Variants in RASSF4 observed in about 807,000 individuals in gnomAD.
RASSF4 encodes ras association domain-containing protein 4.
RASSF4 carries 38 observed loss-of-function variants against 41.1 expected under a neutral mutation model. The ratio of observed to expected loss-of-function variants is 0.92; its 90% confidence interval spans 0.71 to 1.21. The LOEUF (loss-of-function observed/expected upper bound fraction) is 1.21, where lower values mean the gene tolerates loss of function less well. RASSF4 is among the 50% of genes most tolerant of loss of function. The probability of loss-of-function intolerance (pLI) is 0.00; values close to 1 mark genes in which losing one functional copy is unlikely to be tolerated. For synonymous variants in RASSF4, 179 were observed against 163.4 expected, an observed-to-expected ratio of 1.10 and a Z score of -0.73; for missense variants, 414 against 419.4, an observed-to-expected ratio of 0.99 and a Z score of 0.11.
chr10:44,982,382 A>G, intron 3 of RASSF4, 139 bp from the exon 4 acceptor site: 1 of 1,035,788 alleles, frequency 9.7e-7, no homozygotes, highest in East Asian at 2.5e-5. Context: ...GTAGTGGCTG[A>G]TGGTCCTTCC....
chr10:44,977,332 G>A, intron 3 of RASSF4: 2 of 1,506,744 alleles, frequency 1.3e-6, no homozygotes, highest in Non-Finnish European at 1.8e-6. Context: ...CCACCATGGA[G>A]GAGACGAGAG....
intron 3 of RASSF4, among the ~76,000 whole-genome samples, chr10:44,979,734 GGA>G (rs1410410216): frequency 1.3e-5 from 2 of 152,270 alleles, no homozygotes; most frequent in East Asian, 3.9e-4. Context: ...GGCCCATGTA[GGA>G]GGGGGTCAGT....
intron 3 of RASSF4, among the ~76,000 whole-genome samples, chr10:44,974,659 C>T (rs1841324619): frequency 6.6e-6 from 1 of 152,008 alleles, no homozygotes; most frequent in South Asian, 2.1e-4. Flanking sequence ...CCCGCAGCAC[C>T]GGCAGCCTTA....
intron 3 of RASSF4, among the ~76,000 whole-genome samples, chr10:44,973,695 G>C (rs755135328): frequency 1.8e-4 from 27 of 152,330 alleles, no homozygotes; most frequent in Non-Finnish European, 2.5e-4. Flanking sequence ...TTGGCACTCG[G>C]GATTCCCCAA....
intron 3 of RASSF4, among the ~76,000 whole-genome samples, chr10:44,972,887 T>C (rs538379828): frequency 1.7e-4 from 26 of 152,332 alleles, no homozygotes; most frequent in African/African-American, 6.3e-4. Flanking sequence ...AGGCCAGAGC[T>C]AGCCCAGGCA....
intron 3 of RASSF4, among the ~76,000 whole-genome samples, chr10:44,979,637 A>G (rs1424656269): frequency 6.6e-6 from 1 of 152,100 alleles, no homozygotes; most frequent in African/African-American, 2.4e-5. Context: ...TGCACATTCC[A>G]GGTGGCAGGG....
At chr10:44,971,669 C>G in intron 2 of RASSF4, 104 bp from the exon 3 acceptor site, 1 of 892,010 alleles carries the variant, frequency 1.1e-6, no homozygotes. Context: ...AGGGTGCTGT[C>G]ACACTCCTGT....
chr10:44,972,683 C>T (rs1264617678), intron 3 of RASSF4, among the ~76,000 whole-genome samples: 4 of 152,240 alleles, frequency 2.6e-5, no homozygotes, highest in Non-Finnish European at 5.9e-5. Context: ...CTTGGTTGGG[C>T]TTTGTGGCCC....
chr10:44,960,963 C>T (rs981784948), intron 1 of RASSF4, among the ~76,000 whole-genome samples: 1 of 152,056 alleles, frequency 6.6e-6, no homozygotes, highest in East Asian at 1.9e-4. Flanking sequence ...CCTTCTGTTC[C>T]TCTGTGTGGT....
In RASSF4 at chr10:44,993,434, C is replaced by A; in HGVS notation, c.*105C>A. 1.2e-6 allele frequency: 1 copy of A among 809,090 alleles called. No homozygotes were observed. The highest frequency in any genetic ancestry group is 2.0e-6 in the Non-Finnish European group (1 of 496,316). The allele number at this position is 809,090 out of a possible 1,614,324, so 50.1% of individuals were successfully genotyped here. On this transcript the variant is annotated 3_prime_UTR_variant, in exon 11 of 11. Transcript: ENST00000340258. The stretch of plus-strand genomic sequence containing the variant: ...ACATTGACTGATGGCCACCGCCTGA[C>A]GAATCGAGTGCCTGTGTGTCTACCT...
intron 3 of RASSF4, chr10:44,982,320 G>A: frequency 1.4e-6 from 1 of 692,700 alleles, no homozygotes; most frequent in Non-Finnish European, 2.5e-6. Context: ...GGCATGAGCT[G>A]AGCACATCTC....
chr10:44,992,087 C>G (rs924900245), intron 10 of RASSF4, 85 bp downstream of exon 10: 2 of 830,654 alleles, frequency 2.4e-6, no homozygotes, highest in African/African-American at 1.7e-5. Context: ...GCTGGGAGGT[C>G]TCTCTCCTCC....
intron 2 of RASSF4, chr10:44,970,585 T>G (rs1484958019): frequency 3.4e-6 from 1 of 295,234 alleles, no homozygotes; most frequent in Non-Finnish European, 6.3e-6. Flanking sequence ...ATATATTGAG[T>G]TCAATAAAAT....
chr10:44,973,872 C>G (rs182395951), intron 3 of RASSF4, among the ~76,000 whole-genome samples: 10 of 152,316 alleles, frequency 6.6e-5, no homozygotes, highest in Admixed American at 3.3e-4. Flanking sequence ...TTCTTGACAG[C>G]CCTTAATGAT....
chr10:44,961,942 G>C (rs1360386952), intron 1 of RASSF4, among the ~76,000 whole-genome samples: 2 of 152,186 alleles, frequency 1.3e-5, no homozygotes, highest in Non-Finnish European at 2.9e-5. Context: ...TTTTGTAAAA[G>C]AGAAACTTGT....
chr10:44,972,995 G>A (rs1293490797), intron 3 of RASSF4, among the ~76,000 whole-genome samples: 5 of 152,222 alleles, frequency 3.3e-5, no homozygotes, highest in Admixed American at 1.3e-4. Context: ...CCCCTGAGGC[G>A]TCCCCTCGGC....
intron 2 of RASSF4, 194 bp downstream of exon 2, chr10:44,970,458 G>C (rs537180216): frequency 1.4e-5 from 8 of 578,910 alleles, no homozygotes; most frequent in Middle Eastern, 4.6e-4. Flanking sequence ...ACCATGGCTG[G>C]GAGGCATGGG....
intron 9 of RASSF4, among the ~76,000 whole-genome samples, chr10:44,991,581 T>C (rs1030086295): frequency 6.6e-6 from 1 of 152,218 alleles, no homozygotes; most frequent in African/African-American, 2.4e-5. Context: ...TGCATTCCAT[T>C]GTTAGAAACA....
chr10:44,967,249 G>A (rs369394133), intron 1 of RASSF4, among the ~76,000 whole-genome samples: 16 of 152,164 alleles, frequency 1.1e-4, no homozygotes, highest in African/African-American at 3.9e-4. Flanking sequence ...GGGTCACCAC[G>A]GTGGAGACAG....
Sources: allele counts gnomAD v4.1 joint callset (sites outside exome capture counted in the v4.1 genomes callset), GRCh38; gene constraint gnomAD v4.1.1; transcripts MANE v1.5; gene names NCBI Gene and HGNC (gene_info 2026-07-23, HGNC 2026-07-21).